TLL2: variants seen among roughly 807,000 people sequenced by gnomAD.
TLL2 encodes the protein tolloid like 2.
Under a neutral mutation model 123.0 loss-of-function variants are expected in TLL2, and 106 were observed. That is an observed-to-expected ratio of 0.86 (90% CI 0.74 to 1.01). The LOEUF (loss-of-function observed/expected upper bound fraction) is 1.01. TLL2 is among the 50% of genes least tolerant of loss of function. The pLI, the probability that TLL2 is intolerant of heterozygous loss-of-function variation, is 0.00. For missense variants in TLL2, 1,332 were observed against 1,336.7 expected (o/e 1.00, Z 0.06); for synonymous variants, 494 against 516.8 (o/e 0.96, Z 0.60).
chr10:96,391,419 T>G (rs980016805), intron 13 of TLL2, among the ~76,000 whole-genome samples: 6 of 152,104 alleles, frequency 3.9e-5, no homozygotes, highest in African/African-American at 7.2e-5. Context: ...TATACCTCTG[T>G]GGTATCGGGA....
At chr10:96,476,911 C>A (rs1847263078) in intron 2 of TLL2, among the ~76,000 whole-genome samples, 1 of 149,276 alleles carries the variant, frequency 6.7e-6, no homozygotes. Flanking sequence ...AACATGCACA[C>A]ACACAGCCTG....
chr10:96,434,426 C>T (rs1229914039), intron 3 of TLL2, among the ~76,000 whole-genome samples: 1 of 152,152 alleles, frequency 6.6e-6, no homozygotes, highest in African/African-American at 2.4e-5. Context: ...TGGACATTTC[C>T]TAGAGATGGA....
chr10:96,510,221 T>C (rs1334421428), intron 1 of TLL2, among the ~76,000 whole-genome samples: 2 of 152,150 alleles, frequency 1.3e-5, no homozygotes, highest in Admixed American at 6.5e-5. Context: ...GTCAGAGGCA[T>C]GGTGGTTGGA....
chr10:96,437,589 C>T (rs1211325784), intron 3 of TLL2, among the ~76,000 whole-genome samples: 2 of 152,158 alleles, frequency 1.3e-5, no homozygotes, highest in Non-Finnish European at 2.9e-5. Flanking sequence ...CTGGCAACCA[C>T]CAGTCTGTTT....
intron 4 of TLL2, among the ~76,000 whole-genome samples, chr10:96,431,795 T>TG (rs905711092): frequency 6.6e-5 from 10 of 151,882 alleles, no homozygotes; most frequent in African/African-American, 2.2e-4. Context: ...GAGGCGCTGG[T>TG]GGGGGGAGGG....
At chr10:96,395,653 A>G (rs1356762561) in intron 12 of TLL2, among the ~76,000 whole-genome samples, 2 of 152,194 alleles carry the variant, frequency 1.3e-5, no homozygotes, top group Non-Finnish European at 1.5e-5. Context: ...CACTTTGATT[A>G]TTATTCTCAA....
intron 1 of TLL2, among the ~76,000 whole-genome samples, chr10:96,502,032 T>A (rs1483459667): frequency 6.6e-6 from 1 of 152,076 alleles, no homozygotes; most frequent in African/African-American, 2.4e-5. Context: ...ACAAAGGCGA[T>A]GAGAAACTTG....
At chr10:96,474,969 CT>C (rs1847223412) in intron 2 of TLL2, among the ~76,000 whole-genome samples, 3 of 152,300 alleles carry the variant, frequency 2.0e-5, no homozygotes, top group African/African-American at 7.2e-5. Flanking sequence ...TCTTCTTTTC[CT>C]ATAAGCATGT....
chr10:96,445,954 A>G lies in TLL2; in HGVS notation c.364+137T>C, dbSNP rs553443802. The G allele has an allele frequency of 1.1e-4, 91 of 862,796 alleles. 1 individual carries two copies. The South Asian group carries it at 1.4e-3, about 13-fold the overall frequency. The allele number at this position is 862,796 out of a possible 1,614,324, so 53.4% of individuals were successfully genotyped here. ...AAAAGTTCTGGAACTCAATAGGGGT[A>G]ATGGTTACATAGCATTGTGAATGTA... On this transcript the variant is annotated intron_variant, in intron 3 of 20. Transcript: ENST00000357947.
intron 1 of TLL2, among the ~76,000 whole-genome samples, chr10:96,489,403 C>T (rs1229697840): frequency 6.6e-6 from 1 of 152,176 alleles, no homozygotes; most frequent in African/African-American, 2.4e-5. Flanking sequence ...GTGGCACACA[C>T]CAGTGGCCCC....
At chr10:96,410,166 C>A (rs550963296) in intron 9 of TLL2, among the ~76,000 whole-genome samples, 193 bp downstream of exon 9, 1 of 152,292 alleles carries the variant, frequency 6.6e-6, no homozygotes, top group African/African-American at 2.4e-5. Flanking sequence ...TACATGCCAG[C>A]CTTCATTTGT....
chr10:96,499,651 A>G (rs904280363), intron 1 of TLL2, among the ~76,000 whole-genome samples: 1 of 152,164 alleles, frequency 6.6e-6, no homozygotes, highest in African/African-American at 2.4e-5. Context: ...CTTTTTAAAA[A>G]TCCTCTCTCC....
chr10:96,496,517 T>C (rs1847477181), intron 1 of TLL2, among the ~76,000 whole-genome samples: 1 of 152,240 alleles, frequency 6.6e-6, no homozygotes, highest in Admixed American at 6.5e-5. Flanking sequence ...TTGGCTGGCA[T>C]CATCCTACTT....
chr10:96,390,033 GAGGCCA>G (rs761334413), intron 13 of TLL2, among the ~76,000 whole-genome samples: 3 of 152,268 alleles, frequency 2.0e-5, no homozygotes, highest in Non-Finnish European at 4.4e-5. Flanking sequence ...CTGGGCTGCA[GAGGCCA>G]AGGCCAAGGC....
At chr10:96,393,373 G>A (rs1276193259) in intron 13 of TLL2, among the ~76,000 whole-genome samples, 1 of 152,192 alleles carries the variant, frequency 6.6e-6, no homozygotes, top group African/African-American at 2.4e-5. Flanking sequence ...CAATGAACGG[G>A]ACTAAACACT....
At chr10:96,465,452 C>T (rs922730255) in intron 2 of TLL2, among the ~76,000 whole-genome samples, 3 of 152,174 alleles carry the variant, frequency 2.0e-5, no homozygotes, top group African/African-American at 4.8e-5. Flanking sequence ...TTCTGTGTCC[C>T]ATCCTACCCC....
At position 96,484,107 on chromosome 10, in the gene TLL2, G is replaced by A. The variant is rs143650227; in HGVS notation, c.176-3648C>T. On this transcript the variant is annotated intron_variant, in intron 1 of 20. Coordinates refer to ENST00000357947, the MANE Select transcript of TLL2 (RefSeq NM_012465.4). Reference sequence around the variant, plus strand: ...CATCCTCCTGCCTCGGCCTCCCAAAGTGCTGGGATTATAGGCATGAGCCAC... The same window carrying A: ...CATCCTCCTGCCTCGGCCTCCCAAAATGCTGGGATTATAGGCATGAGCCAC... Among the ~76,000 whole-genome samples the A allele has an allele frequency of 6.2e-3, 938 of 152,246 alleles. 8 individuals are homozygous for A. The highest frequency in any genetic ancestry group is 0.021 in the African/African-American group (872 of 41,548).
chr10:96,449,190 G>A (rs1028641806), intron 2 of TLL2, among the ~76,000 whole-genome samples: 3 of 152,196 alleles, frequency 2.0e-5, no homozygotes, highest in Non-Finnish European at 1.5e-5. Flanking sequence ...AGCTCCAAGA[G>A]GTGAAATGAC....
At chr10:96,404,453 T>A (rs1359701921) in intron 10 of TLL2, among the ~76,000 whole-genome samples, 2 of 152,240 alleles carry the variant, frequency 1.3e-5, no homozygotes, top group Admixed American at 6.5e-5. Context: ...TAAAAAATAC[T>A]CTATCACCCT....
Sources: allele counts gnomAD v4.1 joint callset (sites outside exome capture counted in the v4.1 genomes callset), GRCh38; gene constraint gnomAD v4.1.1; transcripts MANE v1.5; gene names NCBI Gene and HGNC (gene_info 2026-07-23, HGNC 2026-07-21).